The following AGO3 variants were observed in gnomAD, a reference collection of about 807,000 sequenced individuals.
AGO3 encodes the protein argonaute RISC catalytic component 3.
A neutral mutation model predicts 105.5 loss-of-function variants in AGO3; 16 were observed. That is an observed-to-expected ratio of 0.15 (90% CI 0.10 to 0.23). AGO3 has a LOEUF of 0.23. AGO3 is among the 10% of genes least tolerant of loss of function. The probability of loss-of-function intolerance (pLI) is 1.00; values close to 1 mark genes in which losing one functional copy is unlikely to be tolerated. For synonymous variants in AGO3, 340 were observed against 367.3 expected, an observed-to-expected ratio of 0.93 and a Z score of 0.85; for missense variants, 534 against 1,088.0, an observed-to-expected ratio of 0.49 and a Z score of 7.16.
At chr1:35,945,334 T>A (rs570219366) in intron 1 of AGO3, among the ~76,000 whole-genome samples, 1 of 152,248 alleles carries the variant, frequency 6.6e-6, no homozygotes. Flanking sequence ...ATTCCAGGCA[T>A]GAGCCACCAT....
Position 36,042,633 on chromosome 1 carries a change from TAC to T in AGO3, c.2173-812_2173-811del, listed in dbSNP as rs1642297160. Among the ~76,000 whole-genome samples the T allele has an allele frequency of 2.0e-5, 3 of 152,314 alleles. No individual in the cohort carries two copies. In the South Asian group the frequency reaches 6.2e-4, roughly 32 times the overall value. On this transcript the variant is annotated intron_variant, in intron 16 of 18. Coordinates refer to ENST00000373191, the MANE Select transcript of AGO3 (RefSeq NM_024852.4). ...TTTGCTAGCCTTGTAAACCTAGACTTACAGTTAATGATTTTAAATGTGTTGGG... is the reference window on the plus strand; with the variant it reads ...TTTGCTAGCCTTGTAAACCTAGACTTAGTTAATGATTTTAAATGTGTTGGG...
At position 36,071,639 on chromosome 1, in the gene AGO3, C is replaced by T. The variant is rs1643168293; in HGVS notation, c.*15894C>T. ...GCCTGGCCTTTTTTGTTGTTGTTGG[C>T]TTTTCATAAGTAAGAAAAATTTATT... On this transcript the variant is annotated 3_prime_UTR_variant, in exon 19 of 19. Transcript: ENST00000373191. 1 of 152,088 alleles carries T rather than the reference C, an allele frequency of 6.6e-6. No homozygotes were observed. The highest frequency in any genetic ancestry group is 1.5e-5 in the Non-Finnish European group (1 of 68,008). 9.4% of individuals were successfully genotyped at this position (152,088 alleles called of 1,614,324 possible).
At chr1:35,934,500 A>G (rs2148737685) in intron 1 of AGO3, among the ~76,000 whole-genome samples, 1 of 152,332 alleles carries the variant, frequency 6.6e-6, no homozygotes, top group Non-Finnish European at 1.5e-5. Context: ...CAAGTTCCAA[A>G]GGAATAAAAG....
intron 3 of AGO3, among the ~76,000 whole-genome samples, chr1:35,968,077 TA>T (rs1188010992): frequency 1.3e-5 from 2 of 152,202 alleles, no homozygotes; most frequent in African/African-American, 2.4e-5. Flanking sequence ...GAATATTATA[TA>T]ACCATTCTTT....
At chr1:35,953,545 A>C (rs905761239) in intron 2 of AGO3, among the ~76,000 whole-genome samples, 1 of 140,090 alleles carries the variant, frequency 7.1e-6, no homozygotes, top group African/African-American at 2.8e-5. Context: ...TTTTTTTTTG[A>C]GACAGAGTCT....
At chr1:35,987,092 C>T (rs571183655) in intron 5 of AGO3, among the ~76,000 whole-genome samples, 70 of 151,806 alleles carry the variant, frequency 4.6e-4, no homozygotes, top group Non-Finnish European at 8.8e-4. Context: ...CTTCGGGAGG[C>T]CAAGGCAGGT....
In AGO3 at chr1:35,961,036, C is replaced by T. The variant is rs1319665593; in HGVS notation, c.192-5919C>T. ...TTGGCTCACTGCAAGCTCCACCTCC[C>T]GGGTTCACACCATTCTCCTGCCTCA... is the stretch of plus-strand genomic sequence containing the variant. On this transcript the variant is annotated intron_variant, in intron 2 of 18. Transcript: ENST00000373191. Among the ~76,000 whole-genome samples the T allele has an allele frequency of 2.6e-5, 4 of 151,342 alleles. No homozygotes were observed. In the East Asian group the frequency reaches 7.7e-4, roughly 29 times the overall value.
chr1:35,990,377 A>G (rs1382011575), intron 5 of AGO3, among the ~76,000 whole-genome samples: 1 of 152,076 alleles, frequency 6.6e-6, no homozygotes, highest in Admixed American at 6.5e-5. Context: ...GCGTGGTGGC[A>G]GGCACCTGTA....
At chr1:35,996,996 G>A (rs993300044) in intron 5 of AGO3, among the ~76,000 whole-genome samples, 2 of 152,094 alleles carry the variant, frequency 1.3e-5, no homozygotes, top group African/African-American at 4.8e-5. Context: ...ATAGTTTGGC[G>A]GCCAGACGCA....
chr1:35,969,688 T>C (rs1414887204), intron 3 of AGO3, among the ~76,000 whole-genome samples: 1 of 152,146 alleles, frequency 6.6e-6, no homozygotes, highest in Non-Finnish European at 1.5e-5. Flanking sequence ...AAATGTGTCC[T>C]TGGGCAATTT....
intron 12 of AGO3, among the ~76,000 whole-genome samples, chr1:36,029,095 A>C (rs189940251): frequency 2.0e-5 from 3 of 152,308 alleles, no homozygotes; most frequent in Non-Finnish European, 4.4e-5. Context: ...AATAATACCT[A>C]ATCCATATAT....
At chr1:36,018,300 G>C (rs1455216352) in intron 11 of AGO3, among the ~76,000 whole-genome samples, 1 of 151,138 alleles carries the variant, frequency 6.6e-6, no homozygotes, top group African/African-American at 2.4e-5. Flanking sequence ...TTATGATGTA[G>C]GTTAAGAGGA....
chr1:36,039,822 A>G lies in AGO3; in HGVS notation c.1875A>G (p.Arg625=), dbSNP rs1642173332. The part of the protein sequence containing the change: ...VVGSMDAHPS[R]YCATVRVQRP... Reference sequence around the variant, plus strand: ...GTAGTATGGATGCACACCCAAGCAGATACTGTGCCACAGTAAGAGTTCAGA... The same window carrying G: ...GTAGTATGGATGCACACCCAAGCAGGTACTGTGCCACAGTAAGAGTTCAGA... Residue 625 remains arginine, a synonymous_variant, in exon 15 of 19, where the codon AGA becomes AGG. Coordinates refer to ENST00000373191, the MANE Select transcript of AGO3 (RefSeq NM_024852.4). The G allele has an allele frequency of 6.2e-7, 1 of 1,611,178 alleles. No homozygotes were observed. Among genetic ancestry groups the G allele is most frequent in the South Asian group, 1.1e-5 (1 of 90,640 alleles).
intron 17 of AGO3, among the ~76,000 whole-genome samples, chr1:36,048,551 C>G (rs1354298899): frequency 6.6e-6 from 1 of 151,932 alleles, no homozygotes. Flanking sequence ...CAGAAAACCA[C>G]CAACCCACCA....
chr1:35,957,325 C>G (rs1418797252), intron 2 of AGO3, among the ~76,000 whole-genome samples: 1 of 151,888 alleles, frequency 6.6e-6, no homozygotes, highest in East Asian at 1.9e-4. Context: ...CACTGCACTC[C>G]AGCCTGGGCG....
chr1:35,954,678 T>C (rs11805011), intron 2 of AGO3, among the ~76,000 whole-genome samples: 8,552 of 152,276 alleles, frequency 0.056, 777 homozygotes, highest in African/African-American at 0.19. Context: ...CTAGCAATAA[T>C]ACAATAGATA....
intron 11 of AGO3, among the ~76,000 whole-genome samples, chr1:36,017,521 G>A (rs1640967113): frequency 6.6e-6 from 1 of 152,184 alleles, no homozygotes; most frequent in African/African-American, 2.4e-5. Flanking sequence ...AGTCTTTGCA[G>A]TAGAATCTGC....
intron 14 of AGO3, among the ~76,000 whole-genome samples, chr1:36,036,554 A>T (rs568327318): frequency 6.6e-6 from 1 of 152,134 alleles, no homozygotes; most frequent in Non-Finnish European, 1.5e-5. Context: ...TGTTTTGAAT[A>T]GTTTGTTTGT....
intron 11 of AGO3, among the ~76,000 whole-genome samples, chr1:36,020,169 C>T (rs1641142481): frequency 6.6e-6 from 1 of 152,160 alleles, no homozygotes; most frequent in Admixed American, 6.6e-5. Context: ...GCCGGCTGTC[C>T]AGTCTCTCTC....
Sources: allele counts gnomAD v4.1 joint callset (sites outside exome capture counted in the v4.1 genomes callset), GRCh38; gene constraint gnomAD v4.1.1; transcripts MANE v1.5; gene names NCBI Gene and HGNC (gene_info 2026-07-23, HGNC 2026-07-21).